The following SOX5 variants were observed in gnomAD, a reference collection of about 807,000 sequenced individuals.
The protein encoded by SOX5 is transcription factor SOX-5.
Under a neutral mutation model 92.0 loss-of-function variants are expected in SOX5, and 9 were observed. That is an observed-to-expected ratio of 0.10 (90% confidence interval 0.06 to 0.17). The LOEUF is 0.17. SOX5 is among the 10% of genes least tolerant of loss of function. The pLI, the probability that SOX5 is intolerant of heterozygous loss-of-function variation, is 1.00. For synonymous variants in SOX5, 344 were observed against 336.3 expected (o/e 1.02, Z -0.25); for missense variants, 642 against 944.5 (o/e 0.68, Z 4.20).
chr12:23,949,660 A>C lies in SOX5; in HGVS notation c.-59T>G. The C allele has an allele frequency of 6.2e-7, 1 of 1,611,966 alleles. No individual in the cohort carries two copies. On this transcript the variant is annotated 5_prime_UTR_variant, in exon 1 of 15. Transcript: ENST00000451604. ...GCCACCTATGATCGTCTCCAACTGA[A>C]CCTGTCAAGTGAGTCCAAACCTTCT...
At chr12:23,907,047 T>C (rs948237265) in intron 1 of SOX5, among the ~76,000 whole-genome samples, 1 of 152,194 alleles carries the variant, frequency 6.6e-6, no homozygotes, top group Non-Finnish European at 1.5e-5. Flanking sequence ...CAATCTTTTC[T>C]GCTTTCTATC....
chr12:24,099,778 T>C (rs1265400411), intron 4 of SOX5, among the ~76,000 whole-genome samples: 1 of 152,204 alleles, frequency 6.6e-6, no homozygotes, highest in East Asian at 1.9e-4. Context: ...AGTTATGTCA[T>C]AAAGTAAGAA....
chr12:24,288,525 G>T (rs563126594), intron 2 of SOX5, among the ~76,000 whole-genome samples: 41 of 151,704 alleles, frequency 2.7e-4, no homozygotes, highest in Non-Finnish European at 4.6e-4. Context: ...AAGTGACAGA[G>T]GTCACCGTTA....
intron 8 of SOX5, among the ~76,000 whole-genome samples, chr12:23,617,950 T>C (rs1215181796): frequency 6.6e-6 from 1 of 152,178 alleles, no homozygotes; most frequent in Non-Finnish European, 1.5e-5. Flanking sequence ...CAGTAATCCA[T>C]TACAATATGT....
intron 2 of SOX5, among the ~76,000 whole-genome samples, chr12:24,300,313 A>G (rs756252923): frequency 3.9e-5 from 6 of 152,224 alleles, no homozygotes; most frequent in Admixed American, 1.3e-4. Flanking sequence ...CTATATCTGC[A>G]TTAACTATAT....
chr12:23,796,292 G>A (rs2095560298), intron 3 of SOX5, among the ~76,000 whole-genome samples: 1 of 152,034 alleles, frequency 6.6e-6, no homozygotes, highest in Admixed American at 6.6e-5. Flanking sequence ...GATGGTGATG[G>A]TCAATGGAGA....
chr12:24,520,630 A>T (rs970238028), intron 1 of SOX5, among the ~76,000 whole-genome samples: 3 of 152,130 alleles, frequency 2.0e-5, no homozygotes, highest in Admixed American at 6.6e-5. Context: ...TGCCAGTAGT[A>T]AGCCTTCACT....
intron 4 of SOX5, among the ~76,000 whole-genome samples, chr12:24,159,418 A>G (rs947203689): frequency 1.2e-4 from 18 of 152,026 alleles, no homozygotes; most frequent in African/African-American, 4.3e-4. Context: ...TTTATTTTGT[A>G]ACAAACTCTA....
chr12:24,492,250 T>C (rs1947167617), intron 1 of SOX5, among the ~76,000 whole-genome samples: 1 of 152,210 alleles, frequency 6.6e-6, no homozygotes, highest in African/African-American at 2.4e-5. Flanking sequence ...AAATAGCTGT[T>C]GATTTTGGTA....
intron 1 of SOX5, among the ~76,000 whole-genome samples, chr12:23,942,163 T>C (rs1338291662): frequency 1.3e-5 from 2 of 151,858 alleles, no homozygotes; most frequent in Non-Finnish European, 2.9e-5. Flanking sequence ...TAATAAAGTA[T>C]TACTTTTTTA....
chr12:23,724,832 A>C (rs1334528014), intron 6 of SOX5, among the ~76,000 whole-genome samples: 1 of 152,192 alleles, frequency 6.6e-6, no homozygotes, highest in Non-Finnish European at 1.5e-5. Context: ...GCACGTTCCC[A>C]GCAACCAAGA....
intron 1 of SOX5, among the ~76,000 whole-genome samples, chr12:24,405,290 T>C (rs531367691): frequency 6.6e-6 from 1 of 152,212 alleles, no homozygotes; most frequent in South Asian, 2.1e-4. Context: ...ATATATTTTA[T>C]CATGGGGGGG....
chr12:24,183,462 G>T (rs1955711417), intron 4 of SOX5, among the ~76,000 whole-genome samples: 1 of 152,222 alleles, frequency 6.6e-6, no homozygotes, highest in African/African-American at 2.4e-5. Flanking sequence ...GTACCATAAG[G>T]AATAGAACTA....
intron 11 of SOX5, among the ~76,000 whole-genome samples, chr12:23,556,183 A>T (rs1226392922): frequency 6.6e-6 from 1 of 152,186 alleles, no homozygotes; most frequent in East Asian, 1.9e-4. Context: ...ATGAAAAAAC[A>T]AAAGAAAAGA....
At chr12:23,889,756 G>A (rs11047148) in intron 2 of SOX5, among the ~76,000 whole-genome samples, 18,739 of 152,030 alleles carry the variant, frequency 0.12, 1,224 homozygotes, top group Middle Eastern at 0.18. Context: ...ACTGACTCAC[G>A]GTGAATGTTG....
intron 9 of SOX5, among the ~76,000 whole-genome samples, chr12:23,577,187 A>ATT: frequency 1.3e-5 from 1 of 79,452 alleles, no homozygotes; most frequent in Non-Finnish European, 2.7e-5. Context: ...ATATATATAT[A>ATT]TATATTTTTT....
Position 23,561,980 on chromosome 12 carries a change from C to T in SOX5, c.1488+1278G>A, listed in dbSNP as rs1456493286. Among the ~76,000 whole-genome samples, 15 of 152,228 alleles carry T rather than the reference C, an allele frequency of 9.9e-5. No homozygotes were observed. In the South Asian group the frequency reaches 1.2e-3, roughly 13 times the overall value. On this transcript the variant is annotated intron_variant, in intron 11 of 14. Transcript: ENST00000451604. Reference sequence around the variant, plus strand: ...TGGCTGAGTGTTAAACTCATTTCTACGTGGGGAGCAGAGAAAAGGAATTTC... The same window carrying T: ...TGGCTGAGTGTTAAACTCATTTCTATGTGGGGAGCAGAGAAAAGGAATTTC...
intron 10 of SOX5, among the ~76,000 whole-genome samples, chr12:23,569,376 A>AAAGTT (rs1947740242): frequency 6.6e-6 from 1 of 152,232 alleles, no homozygotes; most frequent in Non-Finnish European, 1.5e-5. Flanking sequence ...ATACAAAATT[A>AAAGTT]AAGTTAAAAA....
At chr12:24,273,737 TTTG>T (rs1200178390) in intron 3 of SOX5, among the ~76,000 whole-genome samples, 2 of 152,186 alleles carry the variant, frequency 1.3e-5, no homozygotes, top group Non-Finnish European at 2.9e-5. Context: ...CTGAGTTTAT[TTTG>T]TTGTTTTATA....
Sources: allele counts gnomAD v4.1 joint callset (sites outside exome capture counted in the v4.1 genomes callset), GRCh38; gene constraint gnomAD v4.1.1; transcripts MANE v1.5; gene names NCBI Gene and HGNC (gene_info 2026-07-23, HGNC 2026-07-21).